The following CEBPZOS variants were observed in gnomAD, a reference collection of about 807,000 sequenced individuals.
CEBPZOS encodes the protein CEBPZ opposite strand.
A neutral mutation model predicts 4.8 loss-of-function variants in CEBPZOS; 10 were observed. That is an observed-to-expected ratio of 2.07 (90% CI 1.28 to 3.52). CEBPZOS has a LOEUF of 3.52. CEBPZOS is among the 30% of genes most tolerant of loss of function. The probability of loss-of-function intolerance (pLI) is 0.00; values close to 1 mark genes in which losing one functional copy is unlikely to be tolerated. For missense variants in CEBPZOS, 98 were observed against 43.6 expected (o/e 2.25, Z -3.51); for synonymous variants, 25 against 14.2 (o/e 1.77, Z -1.72).
At chr2:37,213,045 A>AAAAC (rs1398353000) in intron 4 of CEBPZOS, among the ~76,000 whole-genome samples, 1 of 151,932 alleles carries the variant, frequency 6.6e-6, no homozygotes, top group Non-Finnish European at 1.5e-5. Context: ...AGCCTGTCTC[A>AAAAC]AAACAAACAA....
rs1251341521 is a variant in CEBPZOS, at chr2:37,201,733, A to T, written c.*2+7A>T. On this transcript the variant is annotated splice_region_variant and intron_variant, in intron 4 of 4. Transcript: ENST00000402297. Reference sequence around the variant, plus strand: ...TGAACAGCAAAAATTAGATGTAAGTAGAATTTTAATCTATAATTTACATTA... The same window carrying T: ...TGAACAGCAAAAATTAGATGTAAGTTGAATTTTAATCTATAATTTACATTA... 1 of 1,224,688 alleles carries T rather than the reference A, an allele frequency of 8.2e-7. No individual in the cohort carries two copies. Among genetic ancestry groups the T allele is most frequent in the South Asian group, 1.3e-5 (1 of 78,398 alleles). The allele number at this position is 1,224,688 out of a possible 1,614,324, so 75.9% of individuals were successfully genotyped here.
chr2:37,202,778 A>G lies in CEBPZOS; in HGVS notation c.*918A>G. 6.6e-7 allele frequency: 1 copy of G among 1,525,176 alleles called. No homozygotes were observed. The highest frequency in any genetic ancestry group is 8.8e-7 in the Non-Finnish European group (1 of 1,132,014). The allele number at this position is 1,525,176 out of a possible 1,614,324, so 94.5% of individuals were successfully genotyped here. On this transcript the variant is annotated 3_prime_UTR_variant, in exon 5 of 5. Coordinates refer to ENST00000402297, the MANE Select transcript of CEBPZOS (RefSeq NM_001322374.2). The stretch of plus-strand genomic sequence containing the variant: ...AAACATCAATAAAAAAATTTAAGTT[A>G]CTTACTTGCATTATCTTTGTTAGCC...
intron 4 of CEBPZOS, chr2:37,210,188 C>G (rs1387267781): frequency 6.6e-6 from 1 of 152,168 alleles, no homozygotes; most frequent in East Asian, 1.9e-4. Context: ...GGAATGTAAA[C>G]TAGTACAACC....
downstream of CEBPZOS, chr2:37,209,067 A>C (rs1419953895): frequency 6.6e-6 from 1 of 151,962 alleles, no homozygotes; most frequent in Non-Finnish European, 1.5e-5. Flanking sequence ...AAAAATAATA[A>C]TACTTAGGAA....
At chr2:37,212,534 T>C in intron 4 of CEBPZOS, 6 of 697,580 alleles carry the variant, frequency 8.6e-6, no homozygotes, top group Non-Finnish European at 1.5e-5. Flanking sequence ...TTACTGTTGC[T>C]AGTGTGCCTT....
chr2:37,212,845 A>C (rs540713340), intron 4 of CEBPZOS, among the ~76,000 whole-genome samples: 92 of 149,840 alleles, frequency 6.1e-4, no homozygotes, highest in Middle Eastern at 7.0e-3. Context: ...TAAAAAAAAA[A>C]AAAAAACAAA....
chr2:37,212,682 G>T (rs1677761036), intron 4 of CEBPZOS: 3 of 427,482 alleles, frequency 7.0e-6, no homozygotes, highest in East Asian at 9.1e-5. Context: ...TTTAGCAATT[G>T]TCGTCCTTTT....
chr2:37,215,074 T>G, downstream of CEBPZOS: 1 of 684,630 alleles, frequency 1.5e-6, no homozygotes, highest in Non-Finnish European at 2.6e-6. Flanking sequence ...TGTGGGAAGG[T>G]AGACAGAAGG....
rs1677700126 is a variant in CEBPZOS at position 37,210,890 on chromosome 2, C to G, written c.*3-2547C>G. 7.0e-6 allele frequency: 4 copies of G among 572,918 alleles called. No homozygotes were observed. In the East Asian group the frequency reaches 1.3e-4, roughly 19 times the overall value. 35.5% of individuals were successfully genotyped at this position (572,918 alleles called of 1,614,324 possible). On this transcript the variant is annotated intron_variant, in intron 4 of 4. Transcript: ENST00000397064. ...ACATCTTTCTTAAAAAGAACCCCCCCCACCCCTGAATTTTATTAATCAAAT... is the reference window on the plus strand; with the variant it reads ...ACATCTTTCTTAAAAAGAACCCCCCGCACCCCTGAATTTTATTAATCAAAT...
intron 1 of CEBPZOS, among the ~76,000 whole-genome samples, 158 bp from the exon 2 acceptor site, chr2:37,199,546 T>C (rs1677109047): frequency 2.0e-5 from 3 of 152,202 alleles, no homozygotes; most frequent in South Asian, 4.1e-4. Flanking sequence ...ACTAGGTAGA[T>C]AGGATGTCTA....
rs755091596 is a variant in CEBPZOS at position 37,201,867 on chromosome 2, T to G, written c.*7T>G. The G allele has an allele frequency of 6.2e-7, 1 of 1,613,976 alleles. No individual in the cohort carries two copies. The highest frequency in any genetic ancestry group is 8.5e-7 in the Non-Finnish European group (1 of 1,179,872). On this transcript the variant is annotated 3_prime_UTR_variant, in exon 5 of 5. Coordinates refer to ENST00000402297, the MANE Select transcript of CEBPZOS (RefSeq NM_001322374.2). ...TTTTGCATCTCTGTTGTGTAGCCAG[T>G]CATCACGTTCAGCCTCCCATCTAAG...
chr2:37,214,800 T>C, downstream of CEBPZOS: 2 of 820,620 alleles, frequency 2.4e-6, no homozygotes, highest in Non-Finnish European at 4.0e-6. Flanking sequence ...TTGAAGTAGA[T>C]TATTTCATAA....
chr2:37,214,748 C>T (rs1304408753), downstream of CEBPZOS: 3 of 500,186 alleles, frequency 6.0e-6, no homozygotes, highest in African/African-American at 3.9e-5. Flanking sequence ...GCCACTTCTC[C>T]CACTAATGTT....
intron 4 of CEBPZOS, chr2:37,212,465 AT>A (rs1553350009): frequency 1.0e-4 from 129 of 1,268,666 alleles, no homozygotes; most frequent in Non-Finnish European, 1.4e-4. Context: ...ATCTGAATCA[AT>A]TATTCTAAGT....
Position 37,203,047 on chromosome 2 carries a change from T to C in CEBPZOS, c.*1187T>C. On this transcript the variant is annotated 3_prime_UTR_variant, in exon 5 of 5. Transcript: ENST00000402297. ...TAAGTCTACATTATTCAATTATAAA[T>C]CTAATGATTTTAGAAAAATGCAATG... 7.4e-7 allele frequency: 1 copy of C among 1,345,444 alleles called. No homozygotes were observed. Among genetic ancestry groups the C allele is most frequent in the Non-Finnish European group, 1.0e-6 (1 of 987,418 alleles). 83.3% of individuals were successfully genotyped at this position (1,345,444 alleles called of 1,614,324 possible). A position where few individuals can be genotyped will look rare whatever the true frequency, so the allele number is the denominator to read the frequency against.
intron 2 of CEBPZOS, 112 bp downstream of exon 2, chr2:37,199,931 A>G (rs936083847): frequency 3.5e-5 from 22 of 627,644 alleles, no homozygotes; most frequent in Non-Finnish European, 4.7e-5. Flanking sequence ...CAGATTCAAG[A>G]TATTAGACAT....
intron 3 of CEBPZOS, chr2:37,201,337 CCA>C (rs1367380546): frequency 1.4e-5 from 7 of 507,646 alleles, no homozygotes; most frequent in African/African-American, 3.9e-5. Flanking sequence ...TAGAATCAAA[CCA>C]CAGTTTAAAC....
chr2:37,211,883 T>A (rs772103937), intron 4 of CEBPZOS: 1 of 1,610,398 alleles, frequency 6.2e-7, no homozygotes, highest in East Asian at 2.2e-5. Context: ...CATCCATGAA[T>A]GTTCCTCCAT....
chr2:37,200,014 GTTGT>G lies in CEBPZOS; in HGVS notation c.115+200_115+203del, dbSNP rs1245780521. 2.0e-5 allele frequency among the ~76,000 whole-genome samples: 3 copies of G among 152,134 alleles called. No individual in the cohort carries two copies. In the East Asian group the frequency reaches 5.8e-4, roughly 29 times the overall value. ...TCACTCTCACTTCTCCCTTAAAAAT[GTTGT>G]TTGTGGGCTAAGGAAAAAATTTCAT... is the stretch of plus-strand genomic sequence containing the variant. On this transcript the variant is annotated intron_variant, in intron 2 of 4. Transcript: ENST00000402297.
Sources: allele counts gnomAD v4.1 joint callset (sites outside exome capture counted in the v4.1 genomes callset), GRCh38; gene constraint gnomAD v4.1.1; transcripts MANE v1.5; gene names NCBI Gene and HGNC (gene_info 2026-07-23, HGNC 2026-07-21).